The following VTA1 variants were observed in gnomAD, a reference collection of about 807,000 sequenced individuals.
The protein encoded by VTA1 is vesicle trafficking 1, also known as vacuolar protein sorting-associated protein VTA1 homolog.
A neutral mutation model predicts 36.9 loss-of-function variants in VTA1; 24 were observed. That is an observed-to-expected ratio of 0.65 (90% CI 0.47 to 0.91). VTA1 has a LOEUF of 0.91. Ranked by LOEUF, VTA1 falls within the 40% of genes least tolerant of loss-of-function variation. VTA1 has a pLI of 0.00. For synonymous variants in VTA1, 142 were observed against 130.2 expected, an observed-to-expected ratio of 1.09 and a Z score of -0.62; for missense variants, 393 against 377.2, an observed-to-expected ratio of 1.04 and a Z score of -0.35.
intron 7 of VTA1, among the ~76,000 whole-genome samples, chr6:142,208,640 G>C (rs1775842602): frequency 6.6e-6 from 1 of 152,176 alleles, no homozygotes; most frequent in Admixed American, 6.5e-5. Context: ...GTAGTAATCA[G>C]ATGCTAAAGG....
intron 7 of VTA1, among the ~76,000 whole-genome samples, chr6:142,205,589 A>C (rs1432643941): frequency 6.6e-6 from 1 of 152,186 alleles, no homozygotes; most frequent in Non-Finnish European, 1.5e-5. Flanking sequence ...GAAATATAAG[A>C]AAGGGTGAAA....
chr6:142,191,213 A>G (rs1254788587), intron 5 of VTA1, among the ~76,000 whole-genome samples: 1 of 152,056 alleles, frequency 6.6e-6, no homozygotes, highest in Non-Finnish European at 1.5e-5. Context: ...TGTGCTTTGG[A>G]ACAGTGGAAT....
At chr6:142,181,908 A>T (rs1775248711) in intron 4 of VTA1, among the ~76,000 whole-genome samples, 1 of 152,226 alleles carries the variant, frequency 6.6e-6, no homozygotes, top group Admixed American at 6.5e-5. Flanking sequence ...AAATACATGT[A>T]ATCTGTGACT....
intron 4 of VTA1, among the ~76,000 whole-genome samples, chr6:142,175,773 G>A (rs745932077): frequency 1.6e-4 from 24 of 151,492 alleles, no homozygotes; most frequent in South Asian, 1.0e-3. Flanking sequence ...GTCATTTCTT[G>A]ATTTTTTTTT....
In VTA1 at chr6:142,198,615, G is replaced by A. The variant is rs1775616817; in HGVS notation, c.697G>A (p.Gly233Ser). The stretch of plus-strand genomic sequence containing the variant: ...ACCAGCAGAAGTGCCTCACAGCACA[G>A]GTGGGAAACTGTAACTGAATGATTT... Reference protein sequence around the residue: ...NTPAEVPHSTGVASNTIQPTP... With the variant: ...NTPAEVPHSTSVASNTIQPTP... The change falls in exon 6 of 8, where the codon GGT (glycine) becomes AGT (serine). Residue 233 changes from glycine to serine, a missense_variant and splice_region_variant. By Grantham distance (56) the Gly-to-Ser change is moderately conservative (BLOSUM62 0). Coordinates refer to ENST00000367630, the MANE Select transcript of VTA1 (RefSeq NM_016485.5). 6.2e-7 allele frequency: 1 copy of A among 1,601,858 alleles called. No individual in the cohort carries two copies.
chr6:142,212,982 A>G (rs1775932441), intron 7 of VTA1, among the ~76,000 whole-genome samples: 1 of 152,144 alleles, frequency 6.6e-6, no homozygotes, highest in Non-Finnish European at 1.5e-5. Flanking sequence ...TCCTTCTCAT[A>G]TTCCAAAATA....
chr6:142,218,151 G>A (rs1399763014), intron 7 of VTA1, among the ~76,000 whole-genome samples: 2 of 152,010 alleles, frequency 1.3e-5, no homozygotes, highest in African/African-American at 4.8e-5. Flanking sequence ...GCTCAAATGA[G>A]GGTTGAATTG....
chr6:142,165,099 C>T (rs1458265229), intron 1 of VTA1, among the ~76,000 whole-genome samples: 1 of 152,164 alleles, frequency 6.6e-6, no homozygotes, highest in Non-Finnish European at 1.5e-5. Flanking sequence ...ATCCTTAATT[C>T]ATAAAGGAGA....
chr6:142,176,226 G>A (rs977751490), intron 4 of VTA1, among the ~76,000 whole-genome samples: 12 of 151,960 alleles, frequency 7.9e-5, no homozygotes, highest in Non-Finnish European at 1.6e-4. Context: ...CATAATCTTT[G>A]GTTAAGATTA....
intron 1 of VTA1, among the ~76,000 whole-genome samples, chr6:142,165,066 A>G: frequency 6.6e-6 from 1 of 152,248 alleles, no homozygotes; most frequent in South Asian, 2.1e-4. Flanking sequence ...AATTTGACAG[A>G]AGATTATTTT....
intron 4 of VTA1, among the ~76,000 whole-genome samples, chr6:142,179,656 A>C (rs1001282388): frequency 6.6e-6 from 1 of 152,170 alleles, no homozygotes; most frequent in African/African-American, 2.4e-5. Context: ...CGCACACCAA[A>C]GGAAGTTGAT....
chr6:142,217,228 T>G (rs1776019797), intron 7 of VTA1, among the ~76,000 whole-genome samples: 1 of 152,186 alleles, frequency 6.6e-6, no homozygotes, highest in African/African-American at 2.4e-5. Flanking sequence ...AGACTTACTC[T>G]AGCACCCTAC....
Position 142,166,289 on chromosome 6 carries a change from A to G in VTA1, c.174A>G (p.Lys58=), listed in dbSNP as rs754727814. 1 of 1,612,476 alleles carries G rather than the reference A, an allele frequency of 6.2e-7. No individual in the cohort carries two copies. Among genetic ancestry groups the G allele is most frequent in the Non-Finnish European group, 8.5e-7 (1 of 1,178,996 alleles). Residue 58 remains lysine (K), a synonymous_variant, in exon 2 of 8, where the codon AAA becomes AAG. Transcript: ENST00000367630. ...KIDSKTPECR[K]FLSKLMDQLE... ...ATAGTAAAACTCCTGAATGTCGCAAATTTTTATCAAAGTTAATGGATCAGT... is the reference window on the plus strand; with the variant it reads ...ATAGTAAAACTCCTGAATGTCGCAAGTTTTTATCAAAGTTAATGGATCAGT...
intron 7 of VTA1, among the ~76,000 whole-genome samples, chr6:142,205,596 G>A (rs1394689938): frequency 6.6e-6 from 1 of 152,128 alleles, no homozygotes; most frequent in Non-Finnish European, 1.5e-5. Flanking sequence ...AAGAAAGGGT[G>A]AAATATACTT....
At chr6:142,167,882 A>G in intron 2 of VTA1, among the ~76,000 whole-genome samples, 1 of 152,210 alleles carries the variant, frequency 6.6e-6, no homozygotes, top group East Asian at 1.9e-4. Flanking sequence ...TATTTGTAAA[A>G]TCCAACTCTA....
At chr6:142,187,883 G>A (rs1024684903) in intron 4 of VTA1, among the ~76,000 whole-genome samples, 3 of 150,510 alleles carry the variant, frequency 2.0e-5, no homozygotes, top group Non-Finnish European at 4.4e-5. Flanking sequence ...CAGTGACTTC[G>A]TGGATCTTTG....
In VTA1 at chr6:142,220,125, C is replaced by A. The variant is rs1318609162; in HGVS notation, c.*1482C>A. 2 of 152,150 alleles carry A rather than the reference C, an allele frequency of 1.3e-5. No individual in the cohort carries two copies. The highest frequency in any genetic ancestry group is 3.8e-4 in the East Asian group (2 of 5,200). 9.4% of individuals were successfully genotyped at this position (152,150 alleles called of 1,614,324 possible). On this transcript the variant is annotated 3_prime_UTR_variant, in exon 8 of 8. Transcript: ENST00000367630. ...GACTGACTAAACTGTTCTAAATCCT[C>A]ACAAAAAAGTCCCCAAACAACATGC...
chr6:142,171,818 A>C (rs766692603), intron 4 of VTA1, among the ~76,000 whole-genome samples: 18 of 152,296 alleles, frequency 1.2e-4, no homozygotes, highest in Middle Eastern at 3.4e-3. Context: ...AGTAGCTCTT[A>C]GTAAAGTCCC....
chr6:142,167,960 TC>T (rs1353608642), intron 2 of VTA1, among the ~76,000 whole-genome samples: 1 of 152,242 alleles, frequency 6.6e-6, no homozygotes, highest in African/African-American at 2.4e-5. Context: ...AGATAATAGT[TC>T]TTGGGTAAGA....
Sources: allele counts gnomAD v4.1 joint callset (sites outside exome capture counted in the v4.1 genomes callset), GRCh38; gene constraint gnomAD v4.1.1; transcripts MANE v1.5; gene names NCBI Gene and HGNC (gene_info 2026-07-23, HGNC 2026-07-21).